The following NUP37 variants were observed in gnomAD, a reference collection of about 807,000 sequenced individuals.
The protein encoded by NUP37 is nucleoporin Nup37.
A neutral mutation model predicts 45.4 loss-of-function variants in NUP37; 33 were observed. The observed-to-expected ratio is 0.73, with a 90% CI of 0.55 to 0.97. The LOEUF (loss-of-function observed/expected upper bound fraction) is 0.97, where lower values mean the gene tolerates loss of function less well. NUP37 is among the 50% of genes least tolerant of loss of function. NUP37 has a pLI of 0.00. For synonymous variants in NUP37, 127 were observed against 130.7 expected (o/e 0.97, Z 0.19); for missense variants, 365 against 389.7 (o/e 0.94, Z 0.53).
rs7301747 is a variant in NUP37 at position 102,075,343 on chromosome 12, G to A, written c.774-249C>T. Among the ~76,000 whole-genome samples, 777 of 151,984 alleles carry A rather than the reference G, an allele frequency of 5.1e-3. 8 individuals carry two copies. Among genetic ancestry groups the A allele is most frequent in the African/African-American group, 0.018 (734 of 41,456 alleles). On this transcript the variant is annotated intron_variant, in intron 8 of 9. Transcript: ENST00000552283. ...GGTGTGTACTACGATGCCCAGGTAA[G>A]TTTTAATTTTTTGTTTTTTGTAGGA...
intron 3 of NUP37, among the ~76,000 whole-genome samples, chr12:102,101,876 C>G (rs1004587175): frequency 6.6e-6 from 1 of 152,022 alleles, no homozygotes; most frequent in Non-Finnish European, 1.5e-5. Flanking sequence ...AGGCGCCCAC[C>G]ACCACACGTG....
At chr12:102,093,013 A>G (rs1309777514) in intron 5 of NUP37, among the ~76,000 whole-genome samples, 1 of 152,114 alleles carries the variant, frequency 6.6e-6, no homozygotes, top group African/African-American at 2.4e-5. Context: ...CTAATGATAA[A>G]AGATTATTAT....
chr12:102,117,916 A>G (rs1229378940), intron 2 of NUP37, among the ~76,000 whole-genome samples: 1 of 152,250 alleles, frequency 6.6e-6, no homozygotes, highest in Admixed American at 6.5e-5. Flanking sequence ...TTAGATGCAC[A>G]AAAAGTATGA....
At position 102,083,960 on chromosome 12, in the gene NUP37, G is replaced by A. The variant is rs532680017; in HGVS notation, c.540+1806C>T. On this transcript the variant is annotated intron_variant, in intron 6 of 9. Transcript: ENST00000552283. Reference sequence around the variant, plus strand: ...GTTAGACCAAGGGATGGGAAAAGACGAAATGAAGTTAAAAGGTACAAGTGA... The same window carrying A: ...GTTAGACCAAGGGATGGGAAAAGACAAAATGAAGTTAAAAGGTACAAGTGA... Among the ~76,000 whole-genome samples, 23 of 152,254 alleles carry A rather than the reference G, an allele frequency of 1.5e-4. No individual in the cohort carries two copies. In the East Asian group the frequency reaches 1.9e-3, roughly 13 times the overall value.
chr12:102,101,045 T>A lies in NUP37; in HGVS notation c.341A>T (p.Lys114Ile). The change falls in exon 4 of 10, where the codon AAA (lysine) becomes ATA (isoleucine). Residue 114 changes from lysine (K) to isoleucine (I), a missense_variant. Physicochemically the swap from Lys to Ile is moderately radical, Grantham distance 102. Coordinates refer to ENST00000552283, the MANE Select transcript of NUP37 (RefSeq NM_024057.4). ...IRLFTSDLQD[K>I]NEYKVLEGHT... is the part of the protein sequence containing the mutation. ...TTGTCAACATACCTTATATTCATTT[T>A]TATCCTGAAGATCTGAAGTAAATAA... The A allele has an allele frequency of 6.5e-7, 1 of 1,544,160 alleles. No individual in the cohort carries two copies.
chr12:102,100,855 TTAA>T (rs751227623), intron 4 of NUP37, among the ~76,000 whole-genome samples, 174 bp downstream of exon 4: 23 of 152,216 alleles, frequency 1.5e-4, no homozygotes, highest in Non-Finnish European at 2.8e-4. Flanking sequence ...AACTTAGTTC[TTAA>T]TAATATAGTA....
chr12:102,088,478 G>A (rs1288671594), intron 5 of NUP37, among the ~76,000 whole-genome samples: 2 of 152,030 alleles, frequency 1.3e-5, no homozygotes, highest in Non-Finnish European at 2.9e-5. Flanking sequence ...GTTGTCTTGC[G>A]CTCCCTTCTA....
intron 3 of NUP37, among the ~76,000 whole-genome samples, chr12:102,110,514 A>G (rs1186456184): frequency 1.5e-5 from 2 of 135,700 alleles, no homozygotes; most frequent in Non-Finnish European, 3.2e-5. Context: ...TACCAAAAAA[A>G]TAAAAAAAAA....
intron 2 of NUP37, among the ~76,000 whole-genome samples, chr12:102,114,069 C>T (rs994856467): frequency 3.9e-5 from 6 of 152,168 alleles, no homozygotes; most frequent in African/African-American, 7.2e-5. Context: ...TTTACTACTT[C>T]GTAATTTGTG....
intron 5 of NUP37, among the ~76,000 whole-genome samples, chr12:102,086,678 C>T (rs989915841): frequency 6.6e-6 from 1 of 152,200 alleles, no homozygotes; most frequent in Non-Finnish European, 1.5e-5. Context: ...ACTGCTCATT[C>T]TCCATACTCA....
Position 102,077,377 on chromosome 12 carries a change from T to C in NUP37, c.667A>G (p.Lys223Glu). ...TCATTTCCTGCAACGGCTCCAACTTTGAAGGTGTTTTTTAAGCACCAGTGT... is the reference window on the plus strand; with the variant it reads ...TCATTTCCTGCAACGGCTCCAACTTCGAAGGTGTTTTTTAAGCACCAGTGT... ...SAHWCLKNTF[K>E]VGAVAGNDWL... is the part of the protein sequence containing the mutation. Residue 223 changes from lysine to glutamate, a missense_variant, in exon 7 of 10, where the codon AAA becomes GAA. Coordinates refer to ENST00000552283, the MANE Select transcript of NUP37 (RefSeq NM_024057.4). The C allele has an allele frequency of 6.2e-7, 1 of 1,614,142 alleles. No individual in the cohort carries two copies. Among genetic ancestry groups the C allele is most frequent in the Non-Finnish European group, 8.5e-7 (1 of 1,180,006 alleles).
chr12:102,119,854 G>A (rs996218933), intron 1 of NUP37, among the ~76,000 whole-genome samples, 196 bp downstream of exon 1: 8 of 152,188 alleles, frequency 5.3e-5, no homozygotes, highest in African/African-American at 1.9e-4. Context: ...CAACGGCAGA[G>A]AAGAAGGGAG....
At position 102,074,487 on chromosome 12, in the gene NUP37, T is replaced by C; in HGVS notation, c.868-20A>G. 1 of 1,448,892 alleles carries C rather than the reference T, an allele frequency of 6.9e-7. No individual in the cohort carries two copies. The highest frequency in any genetic ancestry group is 9.5e-7 in the Non-Finnish European group (1 of 1,050,394). 89.8% of individuals were successfully genotyped at this position (1,448,892 alleles called of 1,614,324 possible). On this transcript the variant is annotated intron_variant, in intron 9 of 9. Transcript: ENST00000552283. Reference sequence around the variant, plus strand: ...GATGGGCTATAAAATATGTGAAGAATTAAAGAAGCACAGTAAGTCCCCAAA... The same window carrying C: ...GATGGGCTATAAAATATGTGAAGAACTAAAGAAGCACAGTAAGTCCCCAAA...
At chr12:102,103,492 T>A (rs1475239694) in intron 3 of NUP37, among the ~76,000 whole-genome samples, 1 of 152,164 alleles carries the variant, frequency 6.6e-6, no homozygotes, top group African/African-American at 2.4e-5. Flanking sequence ...TTTGGTGGAG[T>A]CTTTAGCTTT....
intron 2 of NUP37, among the ~76,000 whole-genome samples, chr12:102,113,738 T>C (rs766201160): frequency 2.0e-5 from 3 of 152,216 alleles, no homozygotes; most frequent in Admixed American, 1.3e-4. Flanking sequence ...TGAAACTTGA[T>C]ATTTAATGAA....
At chr12:102,107,450 A>G (rs1236878254) in intron 3 of NUP37, among the ~76,000 whole-genome samples, 3 of 152,190 alleles carry the variant, frequency 2.0e-5, no homozygotes, top group Admixed American at 2.0e-4. Context: ...AAAAAAGGGG[A>G]AAAGGAGGCG....
chr12:102,116,652 T>C (rs1319337730), intron 2 of NUP37, among the ~76,000 whole-genome samples: 1 of 152,240 alleles, frequency 6.6e-6, no homozygotes. Context: ...TGTAAAGCTT[T>C]ATATATTCAT....
intron 5 of NUP37, among the ~76,000 whole-genome samples, chr12:102,086,598 T>C (rs942563916): frequency 5.3e-5 from 8 of 152,190 alleles, no homozygotes; most frequent in Non-Finnish European, 8.8e-5. Flanking sequence ...TGCTTTACCA[T>C]TGCAGAGGGA....
intron 6 of NUP37, among the ~76,000 whole-genome samples, chr12:102,083,064 G>A (rs1879372664): frequency 6.6e-6 from 1 of 151,944 alleles, no homozygotes; most frequent in African/African-American, 2.4e-5. Context: ...ATGATATGTA[G>A]GAGAAAAAAC....
Sources: gnomAD v4.1 joint callset for allele counts (sites outside exome capture counted in the v4.1 genomes callset) on GRCh38, gnomAD v4.1.1 for gene constraint, MANE v1.5 for transcripts, NCBI Gene and HGNC (gene_info 2026-07-23, HGNC 2026-07-21) for gene names.